KIAA1328: variants seen among roughly 807,000 people sequenced by gnomAD.
The protein encoded by KIAA1328 is KIAA1328.
Under a neutral mutation model 68.1 loss-of-function variants are expected in KIAA1328, and 52 were observed. The observed-to-expected ratio is 0.76, with a 90% CI of 0.61 to 0.96. The LOEUF (loss-of-function observed/expected upper bound fraction) is 0.96, where lower values mean the gene tolerates loss of function less well. Among genes scored for constraint, KIAA1328 ranks in the 40% least tolerant of loss-of-function variants. The probability of loss-of-function intolerance (pLI) is 0.00; values close to 1 mark genes in which losing one functional copy is unlikely to be tolerated. For missense variants in KIAA1328, 641 were observed against 677.6 expected (o/e 0.95, Z 0.60); for synonymous variants, 232 against 239.4 (o/e 0.97, Z 0.28).
chr18:37,215,413 G>T (rs2060409239), intron 9 of KIAA1328, among the ~76,000 whole-genome samples: 1 of 152,128 alleles, frequency 6.6e-6, no homozygotes, highest in Non-Finnish European at 1.5e-5. Flanking sequence ...TAATCATGTG[G>T]TTTTTGTCTT....
In KIAA1328 at chr18:36,938,017, A is replaced by C. The variant is rs192318524; in HGVS notation, c.449-21291A>C. 8.3e-4 allele frequency among the ~76,000 whole-genome samples: 127 copies of C among 152,108 alleles called. 1 individual carries two copies. The highest frequency in any genetic ancestry group is 1.7e-3 in the Admixed American group (26 of 15,278). The stretch of plus-strand genomic sequence containing the variant: ...TCATTTTCTTTGGTCACTTAGGTTG[A>C]TTCTGTGTCTTGACTATTGTAGTAA... On this transcript the variant is annotated intron_variant, in intron 5 of 9. Coordinates refer to ENST00000280020, the MANE Select transcript of KIAA1328 (RefSeq NM_020776.3).
Position 37,067,565 on chromosome 18 carries a change from T to C in KIAA1328, c.1232+20T>C, listed in dbSNP as rs2056386976. The C allele has an allele frequency of 1.9e-6, 2 of 1,078,884 alleles. No individual in the cohort carries two copies. Among genetic ancestry groups the C allele is most frequent in the South Asian group, 2.2e-5 (1 of 46,062 alleles). The allele number at this position is 1,078,884 out of a possible 1,614,324, so 66.8% of individuals were successfully genotyped here. A position where few individuals can be genotyped will look rare whatever the true frequency, so the allele number is the denominator to read the frequency against. The stretch of plus-strand genomic sequence containing the variant: ...CAATTGGTGAGTACTGCCTGTTCTT[T>C]TTTTTTTTTTTTTGAGACGAAATCT... On this transcript the variant is annotated intron_variant, in intron 7 of 9. Coordinates refer to ENST00000280020, the MANE Select transcript of KIAA1328 (RefSeq NM_020776.3).
intron 5 of KIAA1328, among the ~76,000 whole-genome samples, chr18:36,943,363 C>G (rs1175027615): frequency 2.0e-5 from 3 of 152,042 alleles, no homozygotes; most frequent in Non-Finnish European, 1.5e-5. Flanking sequence ...CTGCTGATGC[C>G]CAAGTGGTGA....
intron 6 of KIAA1328, among the ~76,000 whole-genome samples, chr18:36,984,904 CAAAAAAA>C (rs56357519): frequency 9.9e-5 from 8 of 80,708 alleles, no homozygotes; most frequent in Non-Finnish European, 1.7e-4. Context: ...GACTCCATCT[CAAAAAAA>C]AAAAAAAAAA....
chr18:37,118,169 G>GT (rs1338648101), intron 7 of KIAA1328, among the ~76,000 whole-genome samples: 9 of 151,784 alleles, frequency 5.9e-5, no homozygotes, highest in African/African-American at 1.7e-4. Context: ...CAATTTTTGT[G>GT]TTTTTTGTAG....
chr18:37,107,193 C>T (rs2057799413), intron 7 of KIAA1328, among the ~76,000 whole-genome samples: 1 of 152,146 alleles, frequency 6.6e-6, no homozygotes, highest in Admixed American at 6.5e-5. Flanking sequence ...GGGCCGGGGT[C>T]ATGCCACTGT....
chr18:37,176,917 A>T (rs535779920), intron 9 of KIAA1328, among the ~76,000 whole-genome samples: 32 of 152,340 alleles, frequency 2.1e-4, no homozygotes, highest in Admixed American at 7.2e-4. Flanking sequence ...AACAATAAAG[A>T]TCATACAGGA....
At chr18:36,865,881 C>T (rs1021393984) in intron 4 of KIAA1328, among the ~76,000 whole-genome samples, 12 of 152,130 alleles carry the variant, frequency 7.9e-5, no homozygotes, top group African/African-American at 2.9e-4. Flanking sequence ...CTTTTTCTGG[C>T]TCTGACTCTG....
At chr18:36,988,396 C>T (rs1300602678) in intron 6 of KIAA1328, among the ~76,000 whole-genome samples, 2 of 152,144 alleles carry the variant, frequency 1.3e-5, no homozygotes, top group African/African-American at 4.8e-5. Flanking sequence ...ATTTACTCTG[C>T]AATAAATTAT....
chr18:37,077,554 C>T (rs1258840425), intron 7 of KIAA1328, among the ~76,000 whole-genome samples: 5 of 151,918 alleles, frequency 3.3e-5, no homozygotes, highest in Non-Finnish European at 7.4e-5. Flanking sequence ...TCCCTGTTTG[C>T]AGATGAAATG....
At chr18:37,077,863 TG>T (rs1334772255) in intron 7 of KIAA1328, among the ~76,000 whole-genome samples, 2 of 151,884 alleles carry the variant, frequency 1.3e-5, no homozygotes, top group Non-Finnish European at 2.9e-5. Flanking sequence ...TCCATGCTCA[TG>T]GGTAGGAAGA....
At chr18:37,080,603 C>A (rs956552397) in intron 7 of KIAA1328, among the ~76,000 whole-genome samples, 1 of 151,870 alleles carries the variant, frequency 6.6e-6, no homozygotes, top group Non-Finnish European at 1.5e-5. Flanking sequence ...GGTGATACCC[C>A]ATCTCTACTA....
intron 4 of KIAA1328, among the ~76,000 whole-genome samples, chr18:36,848,105 A>G (rs1397246986): frequency 6.6e-6 from 1 of 151,728 alleles, no homozygotes; most frequent in African/African-American, 2.4e-5. Context: ...GTCAATTTCT[A>G]AAGGAAAATT....
chr18:36,873,926 G>A (rs1026433290), intron 4 of KIAA1328, among the ~76,000 whole-genome samples: 8 of 152,200 alleles, frequency 5.3e-5, no homozygotes, highest in African/African-American at 1.9e-4. Flanking sequence ...TTATGAGTGA[G>A]AACATGCAGT....
intron 9 of KIAA1328, among the ~76,000 whole-genome samples, chr18:37,199,056 G>A (rs543253223): frequency 6.6e-6 from 1 of 152,168 alleles, no homozygotes; most frequent in Non-Finnish European, 1.5e-5. Flanking sequence ...GCCATATTTG[G>A]GGAGAGAGAT....
intron 6 of KIAA1328, among the ~76,000 whole-genome samples, chr18:37,017,874 T>C (rs374505473): frequency 1.3e-5 from 2 of 152,204 alleles, no homozygotes; most frequent in East Asian, 1.9e-4. Context: ...GATGGATCTC[T>C]TGAAGACAGT....
chr18:36,916,982 A>G (rs1392913985), intron 5 of KIAA1328, among the ~76,000 whole-genome samples: 2 of 152,078 alleles, frequency 1.3e-5, no homozygotes, highest in Non-Finnish European at 2.9e-5. Context: ...AAACAAAACA[A>G]AACAAAATTC....
chr18:36,924,108 A>G (rs1339049077), intron 5 of KIAA1328: 5 of 152,192 alleles, frequency 3.3e-5, no homozygotes, highest in Non-Finnish European at 7.3e-5. Context: ...AGATGCTGGT[A>G]GGGTAAGTTG....
chr18:36,921,831 T>C (rs182920650), intron 5 of KIAA1328, among the ~76,000 whole-genome samples: 1 of 152,246 alleles, frequency 6.6e-6, no homozygotes, highest in Non-Finnish European at 1.5e-5. Flanking sequence ...TCCCTAGTTA[T>C]GGTTGTGTTT....
Sources: allele counts gnomAD v4.1 joint callset (sites outside exome capture counted in the v4.1 genomes callset), GRCh38; gene constraint gnomAD v4.1.1; transcripts MANE v1.5; gene names NCBI Gene and HGNC (gene_info 2026-07-23, HGNC 2026-07-21).